GLB1L3: variants seen among roughly 807,000 people sequenced by gnomAD.
GLB1L3 encodes the protein beta-galactosidase-1-like protein 3.
GLB1L3 carries 89 observed loss-of-function variants against 89.5 expected under a neutral mutation model. The observed-to-expected ratio is 0.99, with a 90% CI of 0.84 to 1.19. The LOEUF is 1.19. GLB1L3 is among the 50% of genes most tolerant of loss of function. The pLI, the probability that GLB1L3 is intolerant of heterozygous loss-of-function variation, is 0.00. For synonymous variants in GLB1L3, 314 were observed against 312.3 expected, an observed-to-expected ratio of 1.01 and a Z score of -0.06; for missense variants, 812 against 813.3, an observed-to-expected ratio of 1.00 and a Z score of 0.02.
chr11:134,308,511 C>T (rs1176577548), intron 10 of GLB1L3, among the ~76,000 whole-genome samples: 9 of 93,174 alleles, frequency 9.7e-5, no homozygotes, highest in Non-Finnish European at 1.2e-4. Flanking sequence ...ACCACCACCA[C>T]CACCACCATG....
intron 9 of GLB1L3, among the ~76,000 whole-genome samples, chr11:134,296,476 A>C (rs1413723495): frequency 9.9e-5 from 13 of 131,790 alleles, no homozygotes; most frequent in African/African-American, 3.7e-4. Flanking sequence ...GATTAAGAAA[A>C]TGTGGCACAT....
intron 7 of GLB1L3, among the ~76,000 whole-genome samples, chr11:134,291,201 C>G (rs961558432): frequency 6.6e-6 from 1 of 151,892 alleles, no homozygotes; most frequent in Non-Finnish European, 1.5e-5. Context: ...GACACAAAAT[C>G]GGTCGGTGTT....
chr11:134,298,025 T>C (rs1342705507), intron 9 of GLB1L3, among the ~76,000 whole-genome samples: 1 of 152,020 alleles, frequency 6.6e-6, no homozygotes, highest in Non-Finnish European at 1.5e-5. Flanking sequence ...TTATTGTTTC[T>C]ACTTCCATGG....
At chr11:134,287,985 A>C (rs533620461) in intron 6 of GLB1L3, among the ~76,000 whole-genome samples, 129 of 152,256 alleles carry the variant, frequency 8.5e-4, no homozygotes, top group Non-Finnish European at 1.6e-3. Context: ...GTATGTTGGG[A>C]CAAAAAGCTC....
At chr11:134,309,785 G>T in intron 11 of GLB1L3, 22 bp downstream of exon 11, 3 of 1,610,772 alleles carry the variant, frequency 1.9e-6, no homozygotes, top group Non-Finnish European at 1.7e-6. Context: ...TGGTGTAGTA[G>T]CCTCTCCAGC....
intron 15 of GLB1L3, 70 bp downstream of exon 15, chr11:134,312,957 C>A: frequency 9.2e-7 from 1 of 1,086,420 alleles, no homozygotes; most frequent in Non-Finnish European, 1.4e-6. Flanking sequence ...GGTCCTGAGA[C>A]AGTCAGCCTC....
At chr11:134,296,984 A>G (rs1227168157) in intron 9 of GLB1L3, among the ~76,000 whole-genome samples, 1 of 152,008 alleles carries the variant, frequency 6.6e-6, no homozygotes, top group Non-Finnish European at 1.5e-5. Flanking sequence ...TTTTCTGCCT[A>G]CTCATTCCAT....
chr11:134,319,742 G>GTT (rs1277649314), downstream of GLB1L3, among the ~76,000 whole-genome samples: 1 of 138,796 alleles, frequency 7.2e-6, no homozygotes, highest in Non-Finnish European at 1.6e-5. Flanking sequence ...GTGTGTGTGT[G>GTT]TGTGTGCGCG....
At chr11:134,308,600 T>C (rs1292372084) in intron 10 of GLB1L3, among the ~76,000 whole-genome samples, 1 of 77,336 alleles carries the variant, frequency 1.3e-5, no homozygotes, top group Non-Finnish European at 2.6e-5. Context: ...CACCATCACC[T>C]CCACCACCAC....
chr11:134,277,868 C>CCGT lies in GLB1L3; in HGVS notation c.320_321insTCG (p.Arg107dup), dbSNP rs1482513222. 1 of 1,613,820 alleles carries CCGT rather than the reference C, an allele frequency of 6.2e-7. No individual in the cohort carries two copies. Among genetic ancestry groups the CCGT allele is most frequent in the African/African-American group, 1.3e-5 (1 of 74,902 alleles). On this transcript the variant is annotated inframe_insertion, in exon 3 of 20. Transcript: ENST00000431683. ...GGGTGCCCAGGGAGTACTGGAGGGA[C>CCGT]CGCCTGCTGAAGCTGAAGGCCTGTG...
intron 7 of GLB1L3, among the ~76,000 whole-genome samples, chr11:134,289,592 C>A (rs1320957386): frequency 6.6e-6 from 1 of 152,194 alleles, no homozygotes; most frequent in African/African-American, 2.4e-5. Flanking sequence ...CTATTCCTTT[C>A]TGCTTCCTGT....
intron 9 of GLB1L3, chr11:134,305,242 A>G: frequency 1.3e-6 from 1 of 757,078 alleles, no homozygotes; most frequent in South Asian, 1.5e-5. Context: ...TGAATTATGT[A>G]AAGTGCATTC....
chr11:134,308,371 C>CCAT (rs1565413370), intron 10 of GLB1L3, among the ~76,000 whole-genome samples: 2 of 68,480 alleles, frequency 2.9e-5, no homozygotes, highest in African/African-American at 6.7e-5. Flanking sequence ...ACCACCACCA[C>CCAT]CACCACCATC....
intron 13 of GLB1L3, chr11:134,312,020 C>G (rs1942756945): frequency 9.4e-6 from 2 of 212,292 alleles, no homozygotes; most frequent in African/African-American, 2.3e-5. Flanking sequence ...TGCTCTCAAA[C>G]TCCTGGCCTC....
chr11:134,289,740 C>T (rs554486194), intron 7 of GLB1L3, among the ~76,000 whole-genome samples: 1 of 152,338 alleles, frequency 6.6e-6, no homozygotes, highest in East Asian at 1.9e-4. Context: ...TCTTCTGTCC[C>T]TCTTGCTTCT....
chr11:134,305,793 TTAAG>T (rs1475845142), intron 9 of GLB1L3, among the ~76,000 whole-genome samples: 1 of 152,172 alleles, frequency 6.6e-6, no homozygotes, highest in Admixed American at 6.5e-5. Flanking sequence ...GAGTGGGCTG[TTAAG>T]TAAGAGGGAC....
intron 10 of GLB1L3, among the ~76,000 whole-genome samples, chr11:134,307,881 G>T (rs556310562): frequency 6.6e-6 from 1 of 152,114 alleles, no homozygotes; most frequent in Non-Finnish European, 1.5e-5. Flanking sequence ...CCTGGCAGTC[G>T]TTTACTTAAT....
downstream of GLB1L3, among the ~76,000 whole-genome samples, chr11:134,321,160 C>CT (rs751375524): frequency 3.3e-5 from 5 of 152,158 alleles, no homozygotes; most frequent in Non-Finnish European, 7.4e-5. Flanking sequence ...GCATAAAACT[C>CT]TAAGACCAGG....
At chr11:134,285,716 G>C (rs997917593) in intron 6 of GLB1L3, among the ~76,000 whole-genome samples, 15 of 152,140 alleles carry the variant, frequency 9.9e-5, no homozygotes, top group Non-Finnish European at 2.2e-4. Flanking sequence ...CAGTTGCAGT[G>C]ACCTGAGATC....
Sources: gnomAD v4.1 joint callset for allele counts (sites outside exome capture counted in the v4.1 genomes callset) on GRCh38, gnomAD v4.1.1 for gene constraint, MANE v1.5 for transcripts, NCBI Gene and HGNC (gene_info 2026-07-23, HGNC 2026-07-21) for gene names.